Variants in LRRFIP1 observed in about 807,000 individuals in gnomAD.
LRRFIP1 encodes leucine-rich repeat flightless-interacting protein 1.
LRRFIP1 carries 62 observed loss-of-function variants against 104.4 expected under a neutral mutation model. The observed-to-expected ratio is 0.59, with a 90% CI of 0.48 to 0.73. LRRFIP1 has a LOEUF of 0.73. LRRFIP1 is among the 30% of genes least tolerant of loss of function. The pLI is 0.00. For synonymous variants in LRRFIP1, 300 were observed against 299.0 expected, an observed-to-expected ratio of 1.00 and a Z score of -0.03; for missense variants, 796 against 824.5, an observed-to-expected ratio of 0.97 and a Z score of 0.42.
At chr2:237,776,241 T>A (rs1244075011) in intron 23 of LRRFIP1, among the ~76,000 whole-genome samples, 2 of 152,210 alleles carry the variant, frequency 1.3e-5, no homozygotes, top group African/African-American at 4.8e-5. Context: ...ATTACAGGCA[T>A]GAGCCACCAT....
At chr2:237,753,854 A>G (rs200898262) in intron 15 of LRRFIP1, among the ~76,000 whole-genome samples, 37,922 of 147,084 alleles carry the variant, frequency 0.26, 5,174 homozygotes, top group East Asian at 0.52. Context: ...GTATGTATGT[A>G]TGTGTGGATA....
At chr2:237,779,348 T>A in intron 23 of LRRFIP1, 74 bp from the exon 24 acceptor site, 1 of 1,527,404 alleles carries the variant, frequency 6.5e-7, no homozygotes, top group Non-Finnish European at 8.8e-7. Context: ...GATTGGAATT[T>A]CGGTAACACA....
At chr2:237,765,346 G>GGATTGCT (rs2060193762) in intron 19 of LRRFIP1, 1 of 366,294 alleles carries the variant, frequency 2.7e-6, no homozygotes, top group Non-Finnish European at 3.8e-6. Context: ...CAAGGTGGGA[G>GGATTGCT]GATTGCTTGA....
chr2:237,657,347 T>C (rs1057320044), intron 1 of LRRFIP1, among the ~76,000 whole-genome samples: 25 of 152,192 alleles, frequency 1.6e-4, no homozygotes, highest in Admixed American at 1.4e-3. Flanking sequence ...TATTTTCACA[T>C]ATGAATTAAT....
At chr2:237,758,609 T>C in intron 17 of LRRFIP1, 120 bp from the exon 18 acceptor site, 1 of 655,870 alleles carries the variant, frequency 1.5e-6, no homozygotes, top group Non-Finnish European at 2.7e-6. Flanking sequence ...AGAGTCTCTT[T>C]AATGTCTAGA....
intron 1 of LRRFIP1, among the ~76,000 whole-genome samples, chr2:237,680,223 G>A (rs1451603478): frequency 2.0e-5 from 3 of 152,204 alleles, no homozygotes; most frequent in African/African-American, 7.2e-5. Flanking sequence ...CAGGCACAGT[G>A]GCTCAGGCCT....
At chr2:237,683,406 T>C (rs903092234) in intron 1 of LRRFIP1, 4 of 152,224 alleles carry the variant, frequency 2.6e-5, no homozygotes, top group Non-Finnish European at 5.9e-5. Flanking sequence ...GAATTTCCAC[T>C]CTCGTGCCAA....
Position 237,723,566 on chromosome 2 carries a change from T to A in LRRFIP1, c.364T>A (p.Tyr122Asn), listed in dbSNP as rs368514963. The change falls in exon 7 of 24, where the codon TAT becomes AAT. Residue 122 changes from tyrosine (Y) to asparagine (N), a missense_variant. Transcript: ENST00000308482. The part of the protein sequence containing the change: ...GSLRSQPDLE[Y>N]GGPYAWTNGY... The stretch of plus-strand genomic sequence containing the variant: ...CTGACAGTCGCAGCCTGACTTGGAG[T>A]ATGGGGGTCCTTACGCCTGGGTGAG... 1.2e-6 allele frequency: 2 copies of A among 1,613,698 alleles called. No homozygotes were observed. Among genetic ancestry groups the A allele is most frequent in the African/African-American group, 2.7e-5 (2 of 74,868 alleles).
chr2:237,757,415 C>G, intron 16 of LRRFIP1, 41 bp from the exon 17 acceptor site: 1 of 1,414,106 alleles, frequency 7.1e-7, no homozygotes, highest in Non-Finnish European at 9.7e-7. Flanking sequence ...TTTTCTTCCT[C>G]TTTAACCCTT....
intron 23 of LRRFIP1, among the ~76,000 whole-genome samples, chr2:237,779,095 A>G (rs1035678852): frequency 3.3e-5 from 5 of 151,862 alleles, no homozygotes; most frequent in South Asian, 2.1e-4. Flanking sequence ...GGTGGCGCAC[A>G]CCTGTAGTCC....
intron 11 of LRRFIP1, among the ~76,000 whole-genome samples, chr2:237,743,766 G>A (rs2057433650): frequency 6.6e-6 from 1 of 152,122 alleles, no homozygotes; most frequent in African/African-American, 2.4e-5. Context: ...GGGTGTGAGG[G>A]GAGGCAAAGG....
intron 1 of LRRFIP1, among the ~76,000 whole-genome samples, chr2:237,651,848 C>G (rs557637040): frequency 2.0e-5 from 3 of 152,358 alleles, no homozygotes; most frequent in African/African-American, 7.2e-5. Flanking sequence ...ATGTTACACT[C>G]TTTTTATTGC....
chr2:237,778,105 T>C (rs2061244971), intron 23 of LRRFIP1, among the ~76,000 whole-genome samples: 1 of 152,222 alleles, frequency 6.6e-6, no homozygotes, highest in Non-Finnish European at 1.5e-5. Flanking sequence ...TCTAATTCTG[T>C]CATTTATTGC....
intron 19 of LRRFIP1, among the ~76,000 whole-genome samples, chr2:237,761,164 A>C (rs56118872): frequency 0.033 from 5,068 of 152,310 alleles, 101 homozygotes; most frequent in Middle Eastern, 0.12. Flanking sequence ...CAGGCCTCGC[A>C]TTCCAGGGAG....
intron 8 of LRRFIP1, among the ~76,000 whole-genome samples, chr2:237,728,586 A>G (rs1452825502): frequency 6.6e-6 from 1 of 152,142 alleles, no homozygotes; most frequent in Non-Finnish European, 1.5e-5. Flanking sequence ...TGGGGATTTT[A>G]GAAGGTTACA....
chr2:237,685,752 C>T (rs2092319964), intron 1 of LRRFIP1, among the ~76,000 whole-genome samples: 1 of 152,192 alleles, frequency 6.6e-6, no homozygotes, highest in Non-Finnish European at 1.5e-5. Context: ...GTCCTTTCAG[C>T]CTCCAGACAG....
chr2:237,692,336 T>TA (rs1215458245), intron 1 of LRRFIP1: 1 of 1,253,840 alleles, frequency 8.0e-7, no homozygotes, highest in Non-Finnish European at 1.0e-6. Flanking sequence ...AGCGTTCACT[T>TA]AGCGGCGAGT....
Position 237,780,194 on chromosome 2 carries a change from T to G in LRRFIP1, c.*662T>G, listed in dbSNP as rs1450600728. ...TTTTCCAGGGTAATTAGGCAATAGCTTCACTGAAAATGACAGCTTTTCATT... is the reference window on the plus strand; with the variant it reads ...TTTTCCAGGGTAATTAGGCAATAGCGTCACTGAAAATGACAGCTTTTCATT... On this transcript the variant is annotated 3_prime_UTR_variant, in exon 24 of 24. Transcript: ENST00000308482. 1 of 152,202 alleles carries G rather than the reference T, an allele frequency of 6.6e-6. No homozygotes were observed. The highest frequency in any genetic ancestry group is 2.4e-5 in the African/African-American group (1 of 41,442). 9.4% of individuals were successfully genotyped at this position (152,202 alleles called of 1,614,324 possible).
chr2:237,644,057 G>C (rs190244693), intron 1 of LRRFIP1, among the ~76,000 whole-genome samples: 1 of 152,264 alleles, frequency 6.6e-6, no homozygotes, highest in East Asian at 1.9e-4. Context: ...CCTCTTTCCA[G>C]TTCCTTGTTT....
Sources: gnomAD v4.1 joint callset for allele counts (sites outside exome capture counted in the v4.1 genomes callset) on GRCh38, gnomAD v4.1.1 for gene constraint, MANE v1.5 for transcripts, NCBI Gene and HGNC (gene_info 2026-07-23, HGNC 2026-07-21) for gene names.